Variants in KLHL26 observed in about 807,000 individuals in gnomAD.
The protein encoded by KLHL26 is kelch like family member 26.
Under a neutral mutation model 7.1 loss-of-function variants are expected in KLHL26, and 4 were observed. The ratio of observed to expected loss-of-function variants is 0.56; its 90% CI spans 0.28 to 1.28. KLHL26 has a LOEUF of 1.28. Among genes scored for constraint, KLHL26 ranks in the 50% most tolerant of loss-of-function variants. KLHL26 has a pLI of 0.11. For missense variants in KLHL26, 896 were observed against 924.6 expected (o/e 0.97, Z 0.40); for synonymous variants, 465 against 414.1 (o/e 1.12, Z -1.49).
rs1976802170 is a variant in KLHL26, at chr19:18,646,422, T to A, written c.83+9285T>A. ...CAGGCATGAGCCAGTGCGCCCGGCC[T>A]CATGCCCCTTTCAGAAGGAGGATTT... On this transcript the variant is annotated intron_variant, in intron 1 of 2. Transcript: ENST00000300976. The surrounding 1 kb of genome is among the most constrained non-coding windows in gnomAD (Gnocchi z 5.0). Among the ~76,000 whole-genome samples, 1 of 152,230 alleles carries A rather than the reference T, an allele frequency of 6.6e-6. No homozygotes were observed. Among genetic ancestry groups the A allele is most frequent in the Non-Finnish European group, 1.5e-5 (1 of 68,044 alleles).
rs995499583 is a variant in KLHL26, at chr19:18,650,021, C to T, written c.83+12884C>T. 3.3e-5 allele frequency among the ~76,000 whole-genome samples: 5 copies of T among 152,288 alleles called. No individual in the cohort carries two copies. In the South Asian group the frequency reaches 8.3e-4, roughly 25 times the overall value. On this transcript the variant is annotated intron_variant, in intron 1 of 2. Coordinates refer to ENST00000300976, the MANE Select transcript of KLHL26 (RefSeq NM_018316.3). The surrounding 1 kb of genome is among the most constrained non-coding windows in gnomAD (Gnocchi z 4.2). ...TTGGGGGAATCACAGACCTTTCCTG[C>T]GAGGGCAAGGGCTTCCGGAATTGAA...
Position 18,648,225 on chromosome 19 carries a change from CT to C in KLHL26, c.83+11089del, listed in dbSNP as rs779223473. 3.3e-5 allele frequency among the ~76,000 whole-genome samples: 5 copies of C among 152,210 alleles called. No individual in the cohort carries two copies. The highest frequency in any genetic ancestry group is 5.9e-5 in the Non-Finnish European group (4 of 68,040). On this transcript the variant is annotated intron_variant, in intron 1 of 2. Transcript: ENST00000300976. The surrounding 1 kb of genome is among the most constrained non-coding windows in gnomAD (Gnocchi z 4.9). Reference sequence around the variant, plus strand: ...CTCTACTAAAAATACACAAAACTAGCTGGGCGCAGTGGCGGGTGCTTGTAGT... The same window carrying C: ...CTCTACTAAAAATACACAAAACTAGCGGGCGCAGTGGCGGGTGCTTGTAGT...
At chr19:18,653,912 T>C (rs1289164395) in intron 1 of KLHL26, among the ~76,000 whole-genome samples, 14 of 32,210 alleles carry the variant, frequency 4.3e-4, no homozygotes, top group East Asian at 9.7e-4. Context: ...TTCCATCCAC[T>C]CACCATCCAC....
In KLHL26 at chr19:18,670,170, T is replaced by G. The variant is rs969988895; in HGVS notation, c.*925T>G. On this transcript the variant is annotated 3_prime_UTR_variant, in exon 3 of 3. Coordinates refer to ENST00000300976, the MANE Select transcript of KLHL26 (RefSeq NM_018316.3). ...CGCCCTGCCACTCCCTGGCCTGCCC[T>G]GTTTTTGGGTCAACATTGCTACGGA... 6.6e-6 allele frequency: 1 copy of G among 152,304 alleles called. No homozygotes were observed. The highest frequency in any genetic ancestry group is 1.5e-5 in the Non-Finnish European group (1 of 68,076). 9.4% of individuals were successfully genotyped at this position (152,304 alleles called of 1,614,324 possible). A position where few individuals can be genotyped will look rare whatever the true frequency, so the allele number is the denominator to read the frequency against.
chr19:18,656,803 C>A lies in KLHL26; in HGVS notation c.84-7458C>A, dbSNP rs1289464377. On this transcript the variant is annotated intron_variant, in intron 1 of 2. Coordinates refer to ENST00000300976, the MANE Select transcript of KLHL26 (RefSeq NM_018316.3). The surrounding 1 kb of genome is among the most constrained non-coding windows in gnomAD (Gnocchi z 4.4). Reference sequence around the variant, plus strand: ...CTGCCCAGCACGCCTGCCCTCCCAGCACAGGGCGGGAGTGGCGGGTTCCTG... The same window carrying A: ...CTGCCCAGCACGCCTGCCCTCCCAGAACAGGGCGGGAGTGGCGGGTTCCTG... 6.6e-6 allele frequency among the ~76,000 whole-genome samples: 1 copy of A among 152,186 alleles called. No homozygotes were observed. Among genetic ancestry groups the A allele is most frequent in the Admixed American group, 6.5e-5 (1 of 15,286 alleles).
chr19:18,647,360 A>G lies in KLHL26; in HGVS notation c.83+10223A>G, dbSNP rs531473353. Among the ~76,000 whole-genome samples, 76 of 151,998 alleles carry G rather than the reference A, an allele frequency of 5.0e-4. No homozygotes were observed. The East Asian group carries it at 6.4e-3, about 13-fold the overall frequency. ...CTGCGAATGTCATCCCACCTCCCCC[A>G]CGGCGATTACTTTTTATCTCACCCA... On this transcript the variant is annotated intron_variant, in intron 1 of 2. Transcript: ENST00000300976.
At chr19:18,637,830 A>G (rs1976646831) in intron 1 of KLHL26, among the ~76,000 whole-genome samples, 1 of 152,162 alleles carries the variant, frequency 6.6e-6, no homozygotes, top group Admixed American at 6.5e-5. Context: ...CACATCCCCA[A>G]CAGGCTAAAG....
rs1160390504 is a variant in KLHL26, at chr19:18,668,704, GGC to G, written c.1310_1311del (p.Arg437GlnfsTer2). ...GCCTCCGTGGAGCGGTACTGCCCCC[GGC>G]GCAATGAGTGGGGCTACGCCTGCTC... is the stretch of plus-strand genomic sequence containing the variant. On this transcript the variant is annotated frameshift_variant, in exon 3 of 3. Coordinates refer to ENST00000300976, the MANE Select transcript of KLHL26 (RefSeq NM_018316.3). LOFTEE classifies it low-confidence loss of function (END_TRUNC). 6.4e-7 allele frequency: 1 copy of G among 1,571,954 alleles called. No homozygotes were observed. Among genetic ancestry groups the G allele is most frequent in the East Asian group, 2.3e-5 (1 of 44,362 alleles).
At chr19:18,667,560 G>A (rs2052461968) in intron 2 of KLHL26, 104 bp from the exon 3 acceptor site, 4 of 1,506,712 alleles carry the variant, frequency 2.7e-6, no homozygotes, top group Middle Eastern at 2.0e-4. Flanking sequence ...GCTGTGCCCT[G>A]TGTTCTGTGT....
intron 1 of KLHL26, among the ~76,000 whole-genome samples, chr19:18,655,048 G>A (rs2052315878): frequency 6.6e-6 from 1 of 152,244 alleles, no homozygotes; most frequent in South Asian, 2.1e-4. Flanking sequence ...GGCAGATGGA[G>A]TGAGGAGCAG....
rs757301385 is a variant in KLHL26, at chr19:18,669,152, C to T, written c.1755C>T (p.Thr585=). 103 of 1,612,894 alleles carry T rather than the reference C, an allele frequency of 6.4e-5. No homozygotes were observed. In the South Asian group the frequency reaches 1.0e-3, roughly 16 times the overall value. The change falls in exon 3 of 3, where the codon ACC becomes ACT. Residue 585 remains threonine (T), a synonymous_variant. Coordinates refer to ENST00000300976, the MANE Select transcript of KLHL26 (RefSeq NM_018316.3). ...TCGTACAGGTGTACAACACGGACAC[C>T]GACGAGTGGGAGCGGGACCTGCACT... is the stretch of plus-strand genomic sequence containing the variant. ...TGIVQVYNTD[T]DEWERDLHFP...
At chr19:18,643,152 A>C (rs892408615) in intron 1 of KLHL26, among the ~76,000 whole-genome samples, 1 of 151,756 alleles carries the variant, frequency 6.6e-6, no homozygotes, top group Non-Finnish European at 1.5e-5. Context: ...TAATTTTTAA[A>C]AATTGTTTTG....
At position 18,668,275 on chromosome 19, in the gene KLHL26, G is replaced by A. The variant is rs773255884; in HGVS notation, c.878G>A (p.Arg293Gln). ...TTCAACTACCAGGTGCTGCCCTTCC[G>A]GCAGCACGAGATGCAGTCTCCGCGC... ...EAFNYQVLPF[R>Q]QHEMQSPRTA... is the part of the protein sequence containing the mutation. The change falls in exon 3 of 3, where the codon CGG (arginine) becomes CAG (glutamine). Residue 293 changes from arginine to glutamine, a missense_variant. Arg to Gln is a conservative substitution (Grantham distance 43). Coordinates refer to ENST00000300976, the MANE Select transcript of KLHL26 (RefSeq NM_018316.3). The A allele has an allele frequency of 5.6e-6, 9 of 1,611,832 alleles. No homozygotes were observed. In the East Asian group the frequency reaches 8.9e-5, roughly 16 times the overall value.
In KLHL26 at chr19:18,648,969, G is replaced by C. The variant is rs66969630; in HGVS notation, c.83+11832G>C. ...TCACTCCCCTGCCGGCCACCTGCCA[G>C]TGGCTCCCTCACTCTCAGAACAAAA... On this transcript the variant is annotated intron_variant, in intron 1 of 2. Transcript: ENST00000300976. The surrounding 1 kb of genome is among the most constrained non-coding windows in gnomAD (Gnocchi z 4.9). Among the ~76,000 whole-genome samples the C allele has an allele frequency of 0.14, 21,464 of 152,174 alleles. 1,577 individuals carry two copies. The highest frequency in any genetic ancestry group is 0.16 in the Non-Finnish European group (10,852 of 67,988).
At chr19:18,637,895 C>T (rs921489679) in intron 1 of KLHL26, among the ~76,000 whole-genome samples, 9 of 152,186 alleles carry the variant, frequency 5.9e-5, no homozygotes, top group Admixed American at 2.0e-4. Flanking sequence ...CCCCTTTGGT[C>T]AGAGGGAGGC....
At position 18,637,657 on chromosome 19, in the gene KLHL26, G is replaced by C. The variant is rs79642498; in HGVS notation, c.83+520G>C. Among the ~76,000 whole-genome samples, 477 of 151,292 alleles carry C rather than the reference G, an allele frequency of 3.2e-3. 1 individual carries two copies. The highest frequency in any genetic ancestry group is 0.011 in the African/African-American group (449 of 41,140). ...TAGAGACTGTGGGAGGCTCTGGGTGGGGGACTTAGGTGAATCTGGGAGTCT... is the reference window on the plus strand; with the variant it reads ...TAGAGACTGTGGGAGGCTCTGGGTGCGGGACTTAGGTGAATCTGGGAGTCT... On this transcript the variant is annotated intron_variant, in intron 1 of 2. Coordinates refer to ENST00000300976, the MANE Select transcript of KLHL26 (RefSeq NM_018316.3).
rs1275513431 is a variant in KLHL26, at chr19:18,668,283, G to A, written c.886G>A (p.Glu296Lys). ...CCAGGTGCTGCCCTTCCGGCAGCAC[G>A]AGATGCAGTCTCCGCGCACCGCCGT... ...NYQVLPFRQH[E>K]MQSPRTAVRS... is the part of the protein sequence containing the mutation. Residue 296 changes from glutamate to lysine, a missense_variant, in exon 3 of 3, where the codon GAG becomes AAG. By Grantham distance (56) the Glu-to-Lys change is moderately conservative. Coordinates refer to ENST00000300976, the MANE Select transcript of KLHL26 (RefSeq NM_018316.3). 1 of 1,611,980 alleles carries A rather than the reference G, an allele frequency of 6.2e-7. No individual in the cohort carries two copies. Among genetic ancestry groups the A allele is most frequent in the Non-Finnish European group, 8.5e-7 (1 of 1,179,850 alleles).
At position 18,670,504 on chromosome 19, in the gene KLHL26, C is replaced by G. The variant is rs1224162873; in HGVS notation, c.*1259C>G. On this transcript the variant is annotated 3_prime_UTR_variant, in exon 3 of 3. Transcript: ENST00000300976. Reference sequence around the variant, plus strand: ...AAAATGTTATGGTGAAGAGATGGAGCCGGCCCAGCACTGAGCTTGTGCGGC... The same window carrying G: ...AAAATGTTATGGTGAAGAGATGGAGGCGGCCCAGCACTGAGCTTGTGCGGC... 1.3e-5 allele frequency: 2 copies of G among 152,158 alleles called. No homozygotes were observed. The highest frequency in any genetic ancestry group is 2.9e-5 in the Non-Finnish European group (2 of 68,040). The allele number at this position is 152,158 out of a possible 1,614,324, so 9.4% of individuals were successfully genotyped here.
At chr19:18,657,485 C>CCTGTCTCTGTGTCT (rs1265167121) in intron 1 of KLHL26, among the ~76,000 whole-genome samples, 1 of 149,338 alleles carries the variant, frequency 6.7e-6, no homozygotes, top group African/African-American at 2.5e-5. Context: ...TCTCTGTCTC[C>CCTGTCTCTGTGTCT]CTGTCTCTGT....
Sources: allele counts gnomAD v4.1 joint callset (sites outside exome capture counted in the v4.1 genomes callset), GRCh38; gene constraint gnomAD v4.1.1; non-coding constraint Gnocchi (gnomAD v3.1); transcripts MANE v1.5; gene names NCBI Gene and HGNC (gene_info 2026-07-23, HGNC 2026-07-21).